Variants in THSD7B observed in about 807,000 individuals in gnomAD.
THSD7B encodes the protein thrombospondin type-1 domain-containing protein 7B.
THSD7B carries 138 observed loss-of-function variants against 213.6 expected under a neutral mutation model. That is an observed-to-expected ratio of 0.65 (90% CI 0.56 to 0.74). THSD7B has a LOEUF of 0.74. Ranked by LOEUF, THSD7B falls within the 30% of genes least tolerant of loss-of-function variation. The pLI, the probability that THSD7B is intolerant of heterozygous loss-of-function variation, is 0.00. For synonymous variants in THSD7B, 742 were observed against 687.0 expected, an observed-to-expected ratio of 1.08 and a Z score of -1.25; for missense variants, 1,931 against 1,991.5, an observed-to-expected ratio of 0.97 and a Z score of 0.58.
Position 137,099,263 on chromosome 2 carries a change from A to G in THSD7B, c.1199+4142A>G, listed in dbSNP as rs1688100812. On this transcript the variant is annotated intron_variant, in intron 4 of 27. Transcript: ENST00000409968. ...CATGATGAGATAGGAGTCATTTAGG[A>G]TACCTTGGCACTTGGGCACTTTCCT... 3.9e-5 allele frequency among the ~76,000 whole-genome samples: 6 copies of G among 152,250 alleles called. No individual in the cohort carries two copies. In the South Asian group the frequency reaches 1.2e-3, roughly 32 times the overall value.
At chr2:137,370,308 C>A (rs1239022266) in intron 12 of THSD7B, among the ~76,000 whole-genome samples, 2 of 152,058 alleles carry the variant, frequency 1.3e-5, no homozygotes, top group African/African-American at 2.4e-5. Context: ...AAAGATATTT[C>A]TATGATGTAT....
At chr2:136,903,156 G>T (rs1270995558) in intron 2 of THSD7B, among the ~76,000 whole-genome samples, 2 of 121,336 alleles carry the variant, frequency 1.6e-5, no homozygotes, top group South Asian at 2.4e-4. Flanking sequence ...ACCCCAAAAA[G>T]GTGTTTTTTT....
In THSD7B at chr2:137,504,628, G is replaced by C. The variant is rs3748878; in HGVS notation, c.3138+53605G>C. Reference sequence around the variant, plus strand: ...ATCCCCACTGAAGATTTGGTAGACTGTTCATTATTTGTCTTTTCTGTGGAG... The same window carrying C: ...ATCCCCACTGAAGATTTGGTAGACTCTTCATTATTTGTCTTTTCTGTGGAG... On this transcript the variant is annotated intron_variant, in intron 15 of 27. Transcript: ENST00000409968. Among the ~76,000 whole-genome samples, 1,712 of 152,276 alleles carry C rather than the reference G, an allele frequency of 0.011. 79 individuals carry two copies. The East Asian group carries it at 0.13, about 11-fold the overall frequency.
chr2:136,765,842 C>A (rs2104893675), intron 1 of THSD7B, among the ~76,000 whole-genome samples, 155 bp downstream of exon 1: 1 of 152,308 alleles, frequency 6.6e-6, no homozygotes, highest in South Asian at 2.1e-4. Flanking sequence ...CTTCTCCCAG[C>A]CAGACGCGGG....
At chr2:137,203,695 T>C (rs979826877) in intron 7 of THSD7B, among the ~76,000 whole-genome samples, 5 of 152,022 alleles carry the variant, frequency 3.3e-5, no homozygotes, top group African/African-American at 1.2e-4. Context: ...AAAACATCAA[T>C]AAGGAATGAA....
chr2:137,219,062 A>G (rs1681310800), intron 7 of THSD7B, among the ~76,000 whole-genome samples: 1 of 152,116 alleles, frequency 6.6e-6, no homozygotes, highest in Non-Finnish European at 1.5e-5. Context: ...AGAAAAATAT[A>G]CAGCATGATT....
chr2:136,942,297 T>C (rs1684841507), intron 2 of THSD7B, among the ~76,000 whole-genome samples: 1 of 152,316 alleles, frequency 6.6e-6, no homozygotes, highest in Non-Finnish European at 1.5e-5. Flanking sequence ...TCCAGCTTTG[T>C]TATTTTTGGT....
intron 15 of THSD7B, chr2:137,479,509 G>C (rs1257916800): frequency 2.4e-6 from 1 of 412,900 alleles, no homozygotes; most frequent in Non-Finnish European, 4.9e-6. Flanking sequence ...GCTGGGGAAA[G>C]TGGGGTTCCT....
At chr2:137,025,773 A>C (rs903569534) in intron 2 of THSD7B, among the ~76,000 whole-genome samples, 1 of 152,122 alleles carries the variant, frequency 6.6e-6, no homozygotes, top group Non-Finnish European at 1.5e-5. Flanking sequence ...GCATGGCTTC[A>C]TCTACTTGCA....
At chr2:137,470,430 G>A (rs1478894664) in intron 15 of THSD7B, among the ~76,000 whole-genome samples, 4 of 152,154 alleles carry the variant, frequency 2.6e-5, no homozygotes, top group South Asian at 2.1e-4. Context: ...CAGCTTTCCC[G>A]TGGATGAAAA....
intron 17 of THSD7B, among the ~76,000 whole-genome samples, chr2:137,602,139 G>A (rs952372075): frequency 6.6e-6 from 1 of 152,096 alleles, no homozygotes; most frequent in African/African-American, 2.4e-5. Flanking sequence ...TATTTCTGAG[G>A]CTATATTAAT....
At chr2:137,123,470 G>T (rs531921551) in intron 5 of THSD7B, among the ~76,000 whole-genome samples, 1 of 152,150 alleles carries the variant, frequency 6.6e-6, no homozygotes, top group Non-Finnish European at 1.5e-5. Context: ...ATGGTGGTCA[G>T]CAGGATAACA....
chr2:137,164,994 G>A lies in THSD7B; in HGVS notation c.1525+4626G>A, dbSNP rs187368123. On this transcript the variant is annotated intron_variant, in intron 6 of 27. Transcript: ENST00000409968. ...GTATACATATGTAACAAACCTGCAA[G>A]TTGTGTACATGTACCCTAGAACCTA... Among the ~76,000 whole-genome samples, 1,325 of 152,084 alleles carry A rather than the reference G, an allele frequency of 8.7e-3. 20 individuals are homozygous for A. The highest frequency in any genetic ancestry group is 0.03 in the African/African-American group (1,251 of 41,470).
Position 137,616,300 on chromosome 2 carries a change from C to A in THSD7B, c.3549C>A (p.Phe1183Leu), listed in dbSNP as rs1682385478. The change falls in exon 18 of 28, where the codon TTC becomes TTA. Residue 1183 changes from phenylalanine (F) to leucine (L), a missense_variant. Physicochemically the swap from Phe to Leu is conservative, Grantham distance 22. Coordinates refer to ENST00000409968, the MANE Select transcript of THSD7B (RefSeq NM_001316349.2). ...TCCTGAATGAAAATTGCTTCCAGTT[C>A]CAGTACAATCTAACAGGTACAGTTA... ...PCLLNENCFQFQYNLTEWSTC... is the reference protein window; with the variant it reads ...PCLLNENCFQLQYNLTEWSTC... The A allele has an allele frequency of 6.2e-7, 1 of 1,613,606 alleles. No individual in the cohort carries two copies. The highest frequency in any genetic ancestry group is 1.1e-5 in the South Asian group (1 of 91,060).
chr2:137,015,949 T>TA (rs1423122990), intron 2 of THSD7B, among the ~76,000 whole-genome samples: 1 of 152,150 alleles, frequency 6.6e-6, no homozygotes, highest in Non-Finnish European at 1.5e-5. Flanking sequence ...GAAATGGAAA[T>TA]ACTTGTGCTC....
intron 12 of THSD7B, among the ~76,000 whole-genome samples, chr2:137,364,061 TC>T (rs1362183133): frequency 6.6e-6 from 1 of 152,194 alleles, no homozygotes; most frequent in East Asian, 1.9e-4. Context: ...TTTGGCTTCA[TC>T]CCTGGAATGC....
intron 17 of THSD7B, among the ~76,000 whole-genome samples, chr2:137,603,369 C>G (rs1228702183): frequency 6.6e-6 from 1 of 152,146 alleles, no homozygotes; most frequent in Non-Finnish European, 1.5e-5. Context: ...TACACTTCTT[C>G]CAATGAGTCC....
intron 1 of THSD7B, among the ~76,000 whole-genome samples, chr2:136,853,210 A>G (rs1311295664): frequency 6.6e-6 from 1 of 151,660 alleles, no homozygotes; most frequent in Non-Finnish European, 1.5e-5. Context: ...CCTCACTCAA[A>G]TTTCCCCATC....
chr2:137,300,671 G>A (rs1171832368), intron 12 of THSD7B, among the ~76,000 whole-genome samples: 1 of 152,148 alleles, frequency 6.6e-6, no homozygotes, highest in Non-Finnish European at 1.5e-5. Flanking sequence ...TTCATGAGAG[G>A]ATGGCATTGC....
Sources: allele counts gnomAD v4.1 joint callset (sites outside exome capture counted in the v4.1 genomes callset), GRCh38; gene constraint gnomAD v4.1.1; transcripts MANE v1.5; gene names NCBI Gene and HGNC (gene_info 2026-07-23, HGNC 2026-07-21).